PSMD1: variants seen among roughly 807,000 people sequenced by gnomAD.
PSMD1 encodes 26S proteasome non-ATPase regulatory subunit 1.
In PSMD1, 18 loss-of-function variants were observed where a neutral mutation model predicts 119.0. That is an observed-to-expected ratio of 0.15 (90% confidence interval 0.10 to 0.22). PSMD1 has a LOEUF of 0.22. Among genes scored for constraint, PSMD1 ranks in the 10% least tolerant of loss-of-function variants. The pLI is 1.00. For synonymous variants in PSMD1, 374 were observed against 396.6 expected (o/e 0.94, Z 0.68); for missense variants, 702 against 1,158.5 (o/e 0.61, Z 5.72).
At chr2:231,153,189 A>G (rs1208210469) in intron 18 of PSMD1, among the ~76,000 whole-genome samples, 1 of 152,212 alleles carries the variant, frequency 6.6e-6, no homozygotes, top group African/African-American at 2.4e-5. Context: ...TTTTTAGGAA[A>G]CCCGCAAGGT....
At chr2:231,158,386 A>G (rs1696559072) in intron 19 of PSMD1, among the ~76,000 whole-genome samples, 1 of 152,186 alleles carries the variant, frequency 6.6e-6, no homozygotes, top group Admixed American at 6.5e-5. Context: ...AATGAAGTTG[A>G]AGTTTATGAG....
chr2:231,143,580 T>C (rs1275547903), intron 17 of PSMD1, among the ~76,000 whole-genome samples: 1 of 152,172 alleles, frequency 6.6e-6, no homozygotes, highest in Non-Finnish European at 1.5e-5. Context: ...AGAGTGTGAA[T>C]AGAAGTTATA....
Position 231,163,739 on chromosome 2 carries a change from G to C in PSMD1, c.2481+12G>C. 1 of 1,568,950 alleles carries C rather than the reference G, an allele frequency of 6.4e-7. No individual in the cohort carries two copies. The highest frequency in any genetic ancestry group is 8.8e-7 in the Non-Finnish European group (1 of 1,141,444). ...AAGAAAAGGAAAAGGTAGGTTCTTT[G>C]TTCCTTTTAGCAGCATTTGTACTTA... On this transcript the variant is annotated intron_variant, in intron 21 of 24. Coordinates refer to ENST00000308696, the MANE Select transcript of PSMD1 (RefSeq NM_002807.4).
intron 17 of PSMD1, among the ~76,000 whole-genome samples, chr2:231,141,819 C>T (rs1171776971): frequency 6.6e-6 from 1 of 152,094 alleles, no homozygotes; most frequent in Non-Finnish European, 1.5e-5. Context: ...CCAAGTTGGA[C>T]ATCATCTCTG....
At chr2:231,097,361 G>A (rs1694751619) in intron 16 of PSMD1, among the ~76,000 whole-genome samples, 1 of 152,164 alleles carries the variant, frequency 6.6e-6, no homozygotes, top group Non-Finnish European at 1.5e-5. Flanking sequence ...TTGAGTTGCT[G>A]GCTAACTCAT....
At chr2:231,108,764 C>T (rs146731940) in intron 16 of PSMD1, 325 of 1,613,864 alleles carry the variant, frequency 2.0e-4, no homozygotes, top group Non-Finnish European at 2.5e-4. Context: ...CTTTGTGGCC[C>T]GGTAATTGCA....
At chr2:231,069,389 G>C (rs1293091103) in intron 5 of PSMD1, among the ~76,000 whole-genome samples, 1 of 152,128 alleles carries the variant, frequency 6.6e-6, no homozygotes, top group South Asian at 2.1e-4. Context: ...GCAGTGGAAA[G>C]TCACAACTCA....
At chr2:231,083,273 G>A (rs929000803) in intron 13 of PSMD1, among the ~76,000 whole-genome samples, 4 of 152,150 alleles carry the variant, frequency 2.6e-5, no homozygotes, top group African/African-American at 7.2e-5. Flanking sequence ...ACTGCTTGGC[G>A]ATAATATAGA....
chr2:231,087,247 C>A, intron 16 of PSMD1, 66 bp downstream of exon 16: 2 of 1,343,756 alleles, frequency 1.5e-6, no homozygotes, highest in East Asian at 2.4e-5. Flanking sequence ...TAGTCACTAC[C>A]GAAACTACCA....
rs1194687841 is a variant in PSMD1 at position 231,076,407 on chromosome 2, A to G, written c.943-627A>G. Among the ~76,000 whole-genome samples, 5 of 152,150 alleles carry G rather than the reference A, an allele frequency of 3.3e-5. No homozygotes were observed. The South Asian group carries it at 8.3e-4, about 25-fold the overall frequency. On this transcript the variant is annotated intron_variant, in intron 8 of 24. Transcript: ENST00000308696. ...CAAGGCTGGGCACTGTGGTTCATGC[A>G]TGTAATCCCAGCACTTTGGGAGGCC...
chr2:231,136,422 G>A (rs1476432460), intron 16 of PSMD1, among the ~76,000 whole-genome samples: 5 of 152,160 alleles, frequency 3.3e-5, no homozygotes, highest in Admixed American at 2.0e-4. Context: ...TCTGCTACGG[G>A]CCAGATTGGG....
intron 16 of PSMD1, among the ~76,000 whole-genome samples, chr2:231,117,114 G>C (rs1226158721): frequency 6.6e-6 from 1 of 151,958 alleles, no homozygotes; most frequent in Middle Eastern, 3.2e-3. Context: ...TTTTTAGTTA[G>C]TATTAATTTA....
chr2:231,115,838 T>C (rs1695313593), intron 16 of PSMD1, among the ~76,000 whole-genome samples: 2 of 152,170 alleles, frequency 1.3e-5, no homozygotes, highest in African/African-American at 4.8e-5. Flanking sequence ...TACTTAGATA[T>C]GCAGGCTCTT....
intron 17 of PSMD1, among the ~76,000 whole-genome samples, chr2:231,144,817 T>G (rs1332732941): frequency 6.6e-6 from 1 of 152,204 alleles, no homozygotes; most frequent in African/African-American, 2.4e-5. Flanking sequence ...TTTCTATCTC[T>G]CAGTTTCTTT....
Position 231,080,279 on chromosome 2 carries a change from T to A in PSMD1, c.1378T>A (p.Tyr460Asn). The A allele has an allele frequency of 6.2e-7, 1 of 1,612,712 alleles. No individual in the cohort carries two copies. Among genetic ancestry groups the A allele is most frequent in the Non-Finnish European group, 8.5e-7 (1 of 1,179,074 alleles). Residue 460 changes from tyrosine (Y) to asparagine (N), a missense_variant, in exon 12 of 25, where the codon TAT (tyrosine) becomes AAT (asparagine). Physicochemically the swap from Tyr to Asn is moderately radical, Grantham distance 143 (BLOSUM62 -2). Coordinates refer to ENST00000308696, the MANE Select transcript of PSMD1 (RefSeq NM_002807.4). ...CAATCATGGTGGTGATATAATTGAC[T>A]ATCTGCTTAATCAGCTTAAGAACGC... is the stretch of plus-strand genomic sequence containing the variant. ...HANHGGDIID[Y>N]LLNQLKNASN... is the part of the protein sequence containing the mutation.
chr2:231,123,645 T>C lies in PSMD1; in HGVS notation c.1884-15091T>C, dbSNP rs769183553. ...CCTCAACAATCTGTTTCATTTCCTCTGGTATTGATTCTGTCTGTAATCCAG... is the reference window on the plus strand; with the variant it reads ...CCTCAACAATCTGTTTCATTTCCTCCGGTATTGATTCTGTCTGTAATCCAG... On this transcript the variant is annotated intron_variant, in intron 16 of 24. Coordinates refer to ENST00000308696, the MANE Select transcript of PSMD1 (RefSeq NM_002807.4). The C allele has an allele frequency of 7.4e-6, 12 of 1,614,054 alleles. No individual in the cohort carries two copies. In the Admixed American group the frequency reaches 1.3e-4, roughly 18 times the overall value.
At chr2:231,152,762 CT>C (rs1337705920) in intron 18 of PSMD1, among the ~76,000 whole-genome samples, 1 of 152,210 alleles carries the variant, frequency 6.6e-6, no homozygotes, top group Non-Finnish European at 1.5e-5. Flanking sequence ...AAGCCGACTT[CT>C]TCCTGGGTGC....
chr2:231,123,390 C>T (rs757194126), intron 16 of PSMD1: 9 of 1,533,702 alleles, frequency 5.9e-6, no homozygotes, highest in Non-Finnish European at 8.1e-6. Flanking sequence ...GGTTTGATGG[C>T]ACAAACAAAG....
rs149606974 is a variant in PSMD1 at position 231,083,511 on chromosome 2, T to C, written c.1526-56T>C. The C allele has an allele frequency of 9.7e-5, 153 of 1,576,206 alleles. No individual in the cohort carries two copies. In the African/African-American group the frequency reaches 1.8e-3, roughly 19 times the overall value. On this transcript the variant is annotated intron_variant, in intron 13 of 24. Coordinates refer to ENST00000308696, the MANE Select transcript of PSMD1 (RefSeq NM_002807.4). ...AAAGAGTGCTACTTTCAGTTGGATG[T>C]TTTACTGACTTTAAAAACATAACTC...
Sources: allele counts gnomAD v4.1 joint callset (sites outside exome capture counted in the v4.1 genomes callset), GRCh38; gene constraint gnomAD v4.1.1; transcripts MANE v1.5; gene names NCBI Gene and HGNC (gene_info 2026-07-23, HGNC 2026-07-21).